The following SLC25A13 variants were observed in gnomAD, a reference collection of about 807,000 sequenced individuals.
SLC25A13 encodes solute carrier family 25 member 13, also known as electrogenic aspartate/glutamate antiporter SLC25A13, mitochondrial.
SLC25A13 carries 70 observed loss-of-function variants against 85.5 expected under a neutral mutation model. The observed-to-expected ratio is 0.82, with a 90% CI of 0.68 to 1.00. The LOEUF is 1.00. Ranked by LOEUF, SLC25A13 falls within the 50% of genes least tolerant of loss-of-function variation. SLC25A13 has a pLI of 0.00. For missense variants in SLC25A13, 765 were observed against 819.8 expected (o/e 0.93, Z 0.82); for synonymous variants, 259 against 288.7 (o/e 0.90, Z 1.04).
chr7:96,198,800 A>G (rs1266253611), intron 5 of SLC25A13, among the ~76,000 whole-genome samples: 1 of 152,218 alleles, frequency 6.6e-6, no homozygotes, highest in Non-Finnish European at 1.5e-5. Context: ...GAAGTAAGAT[A>G]TATCTCAAAA....
chr7:96,210,559 T>C (rs1352116356), intron 4 of SLC25A13, among the ~76,000 whole-genome samples: 2 of 152,220 alleles, frequency 1.3e-5, no homozygotes, highest in African/African-American at 4.8e-5. Flanking sequence ...ATTGTTCTAA[T>C]GGCTGTAAGT....
intron 15 of SLC25A13, among the ~76,000 whole-genome samples, chr7:96,128,720 C>A (rs974970752): frequency 6.7e-6 from 1 of 149,678 alleles, no homozygotes; most frequent in Non-Finnish European, 1.5e-5. Context: ...AACAAACCTG[C>A]GCATTCTGCA....
intron 3 of SLC25A13, among the ~76,000 whole-genome samples, chr7:96,265,705 T>C (rs1798022126): frequency 6.6e-6 from 1 of 152,174 alleles, no homozygotes; most frequent in South Asian, 2.1e-4. Flanking sequence ...AAAATAATGA[T>C]TGCTTACTCT....
chr7:96,131,106 T>G (rs1792011050), intron 15 of SLC25A13, among the ~76,000 whole-genome samples: 2 of 151,830 alleles, frequency 1.3e-5, no homozygotes. Flanking sequence ...TAATCCAGAC[T>G]GTTCCTGCTC....
chr7:96,270,600 C>T (rs1798205304), intron 3 of SLC25A13, among the ~76,000 whole-genome samples: 5 of 151,670 alleles, frequency 3.3e-5, no homozygotes, highest in Admixed American at 3.3e-4. Flanking sequence ...TTCAGTGGCA[C>T]ATGCCTGTAA....
chr7:96,308,887 G>A (rs752157416), intron 1 of SLC25A13, among the ~76,000 whole-genome samples: 1 of 152,120 alleles, frequency 6.6e-6, no homozygotes, highest in Non-Finnish European at 1.5e-5. Context: ...AGAAAATTGG[G>A]CAAAGGTCAA....
chr7:96,142,293 G>C (rs1176002620), intron 14 of SLC25A13, among the ~76,000 whole-genome samples: 2 of 152,056 alleles, frequency 1.3e-5, no homozygotes, highest in Non-Finnish European at 2.9e-5. Context: ...CCTTCCTCCT[G>C]TTGGTGTCTT....
chr7:96,266,009 G>C (rs1247895611), intron 3 of SLC25A13, among the ~76,000 whole-genome samples: 1 of 152,132 alleles, frequency 6.6e-6, no homozygotes, highest in Non-Finnish European at 1.5e-5. Flanking sequence ...CCTCCCCAAA[G>C]TTCTACCTCT....
chr7:96,133,753 G>C (rs1182101672), intron 14 of SLC25A13, among the ~76,000 whole-genome samples: 1 of 151,856 alleles, frequency 6.6e-6, no homozygotes, highest in Non-Finnish European at 1.5e-5. Context: ...CAGTCCAGAA[G>C]ATACTCAAAT....
chr7:96,121,512 G>A (rs1791504076), intron 17 of SLC25A13, 135 bp from the exon 18 acceptor site: 1 of 1,378,972 alleles, frequency 7.3e-7, no homozygotes, highest in Admixed American at 1.7e-5. Flanking sequence ...GTTCCCCTTG[G>A]AAATGACCTT....
intron 15 of SLC25A13, among the ~76,000 whole-genome samples, chr7:96,127,107 G>C (rs1791760575): frequency 1.3e-5 from 2 of 152,090 alleles, no homozygotes; most frequent in African/African-American, 4.8e-5. Context: ...AGTTTGACTT[G>C]TTCCTCTATC....
chr7:96,202,271 C>G (rs1795286726), intron 5 of SLC25A13, among the ~76,000 whole-genome samples: 1 of 152,172 alleles, frequency 6.6e-6, no homozygotes, highest in African/African-American at 2.4e-5. Flanking sequence ...TCCCCAGGTT[C>G]TATTCCTAGC....
intron 3 of SLC25A13, among the ~76,000 whole-genome samples, chr7:96,242,974 T>C (rs116462116): frequency 0.012 from 1,755 of 152,278 alleles, 27 homozygotes; most frequent in African/African-American, 0.039. Context: ...TCTGACTCTT[T>C]TTTTTTTGAG....
rs900698284 is a variant in SLC25A13 at position 96,209,999 on chromosome 7, C to T, written c.329-1022G>A. ...AAAAGAAGAAGAAAGTTATTTAGTCCTCTGAAAAGTGCCAAAACCTTTGGC... is the reference window on the plus strand; with the variant it reads ...AAAAGAAGAAGAAAGTTATTTAGTCTTCTGAAAAGTGCCAAAACCTTTGGC... On this transcript the variant is annotated intron_variant, in intron 4 of 17. Coordinates refer to ENST00000265631, the MANE Select transcript of SLC25A13 (RefSeq NM_014251.3). 2.0e-5 allele frequency among the ~76,000 whole-genome samples: 3 copies of T among 151,980 alleles called. No homozygotes were observed. In the South Asian group the frequency reaches 6.2e-4, roughly 32 times the overall value.
intron 14 of SLC25A13, among the ~76,000 whole-genome samples, chr7:96,142,813 A>C (rs1792621142): frequency 6.6e-6 from 1 of 152,228 alleles, no homozygotes. Flanking sequence ...GATAACTGGC[A>C]GAATAAATAA....
chr7:96,246,735 G>A (rs2116854039), intron 3 of SLC25A13, among the ~76,000 whole-genome samples: 1 of 152,112 alleles, frequency 6.6e-6, no homozygotes, highest in South Asian at 2.1e-4. Flanking sequence ...AAAAGTCCCT[G>A]GCAAAGCAAA....
intron 11 of SLC25A13, among the ~76,000 whole-genome samples, chr7:96,173,263 G>A (rs543614271): frequency 1.3e-5 from 2 of 152,340 alleles, no homozygotes; most frequent in South Asian, 2.1e-4. Flanking sequence ...AGTGCATCAC[G>A]TTTATTACGT....
chr7:96,256,324 C>A (rs1562881593), intron 3 of SLC25A13, among the ~76,000 whole-genome samples: 1 of 152,044 alleles, frequency 6.6e-6, no homozygotes, highest in Non-Finnish European at 1.5e-5. Flanking sequence ...TCAGGTGACC[C>A]ATCTCACATG....
chr7:96,306,801 T>A, intron 1 of SLC25A13: 1 of 1,352,456 alleles, frequency 7.4e-7, no homozygotes, highest in South Asian at 1.2e-5. Flanking sequence ...CTATCATCTC[T>A]ACCCCCAGGG....
Sources: gnomAD v4.1 joint callset for allele counts (sites outside exome capture counted in the v4.1 genomes callset) on GRCh38, gnomAD v4.1.1 for gene constraint, MANE v1.5 for transcripts, NCBI Gene and HGNC (gene_info 2026-07-23, HGNC 2026-07-21) for gene names.